Variants in ACOT12 observed in about 807,000 individuals in gnomAD.
ACOT12 encodes the protein acyl-CoA thioesterase 12.
Under a neutral mutation model 67.7 loss-of-function variants are expected in ACOT12, and 51 were observed. The ratio of observed to expected loss-of-function variants is 0.75; its 90% CI spans 0.60 to 0.95. The LOEUF (loss-of-function observed/expected upper bound fraction) is 0.95. Among genes scored for constraint, ACOT12 ranks in the 40% least tolerant of loss-of-function variants. The probability of loss-of-function intolerance (pLI) is 0.00; values close to 1 mark genes in which losing one functional copy is unlikely to be tolerated. For synonymous variants in ACOT12, 251 were observed against 244.6 expected, an observed-to-expected ratio of 1.03 and a Z score of -0.24; for missense variants, 734 against 708.1, an observed-to-expected ratio of 1.04 and a Z score of -0.41.
intron 1 of ACOT12, among the ~76,000 whole-genome samples, chr5:81,393,076 A>G (rs1760905543): frequency 6.6e-6 from 1 of 152,212 alleles, no homozygotes. Flanking sequence ...TTCAGTCCTT[A>G]ATAAATGTTT....
chr5:81,371,426 T>C (rs951984052), intron 3 of ACOT12, among the ~76,000 whole-genome samples: 1 of 152,070 alleles, frequency 6.6e-6, no homozygotes, highest in African/African-American at 2.4e-5. Context: ...TAATTTTTTT[T>C]TTTCTTCTTA....
chr5:81,336,090 T>C (rs1431064437), intron 11 of ACOT12, among the ~76,000 whole-genome samples, 189 bp from the exon 12 acceptor site: 1 of 152,190 alleles, frequency 6.6e-6, no homozygotes, highest in African/African-American at 2.4e-5. Context: ...CAGGATGCTG[T>C]AGTCTCGTGT....
chr5:81,324,904 A>G, the ACOT12 span, among the ~76,000 whole-genome samples: 6 of 152,170 alleles, frequency 3.9e-5, no homozygotes, highest in Non-Finnish European at 5.9e-5. Flanking sequence ...AGTTAGGTAA[A>G]TAAAATAAAG....
the ACOT12 span, chr5:81,311,094 A>G: frequency 1.0e-6 from 1 of 989,050 alleles, no homozygotes; most frequent in Non-Finnish European, 1.6e-6. Flanking sequence ...ATCCTGGTCT[A>G]GCTACCTTTA....
At chr5:81,341,339 A>G (rs1759185996) in intron 11 of ACOT12, among the ~76,000 whole-genome samples, 1 of 152,252 alleles carries the variant, frequency 6.6e-6, no homozygotes, top group African/African-American at 2.4e-5. Context: ...ACCAAAAACA[A>G]AACATTCAGA....
chr5:81,334,701 A>G (rs977864404), intron 12 of ACOT12, among the ~76,000 whole-genome samples: 4 of 152,236 alleles, frequency 2.6e-5, no homozygotes, highest in African/African-American at 9.6e-5. Flanking sequence ...AACACATAGG[A>G]AGCCCATCTC....
chr5:81,371,970 A>C (rs1360552714), intron 2 of ACOT12, among the ~76,000 whole-genome samples, 160 bp from the exon 3 acceptor site: 2 of 152,210 alleles, frequency 1.3e-5, no homozygotes, highest in African/African-American at 4.8e-5. Flanking sequence ...GGAAAAAGAC[A>C]ACACTTAAAA....
rs1043368318 is a variant in ACOT12 at position 81,361,893 on chromosome 5, T to C, written c.361-1855A>G. ...AGGGTACATTATGCTTTGAACCAAC[T>C]TCATCCTAAAATAAACTCACTGTGA... is the stretch of plus-strand genomic sequence containing the variant. On this transcript the variant is annotated intron_variant, in intron 4 of 14. Coordinates refer to ENST00000307624, the MANE Select transcript of ACOT12 (RefSeq NM_130767.3). 2.0e-5 allele frequency among the ~76,000 whole-genome samples: 3 copies of C among 152,226 alleles called. 1 individual carries two copies. The South Asian group carries it at 6.2e-4, about 32-fold the overall frequency.
At chr5:81,345,646 G>C (rs1223857447) in intron 7 of ACOT12, among the ~76,000 whole-genome samples, 1 of 151,828 alleles carries the variant, frequency 6.6e-6, no homozygotes, top group African/African-American at 2.4e-5. Context: ...GGTCCTACTT[G>C]GGCCAATTGG....
intron 2 of ACOT12, among the ~76,000 whole-genome samples, chr5:81,380,721 A>T (rs1896775): frequency 0.28 from 41,896 of 152,144 alleles, 9,469 homozygotes; most frequent in African/African-American, 0.62. Flanking sequence ...GCCAGTTGAA[A>T]AATGTAGTGC....
At chr5:81,347,737 G>T in intron 6 of ACOT12, 37 bp downstream of exon 6, 1 of 1,603,436 alleles carries the variant, frequency 6.2e-7, no homozygotes, top group South Asian at 1.1e-5. Flanking sequence ...CTCCTCACTG[G>T]TCCCAAAATC....
intron 13 of ACOT12, among the ~76,000 whole-genome samples, chr5:81,331,585 A>G (rs1008769369): frequency 2.0e-5 from 3 of 152,224 alleles, no homozygotes; most frequent in African/African-American, 4.8e-5. Flanking sequence ...TCTCAACAAT[A>G]GAGAACCCTG....
chr5:81,312,132 G>T, the ACOT12 span, among the ~76,000 whole-genome samples: 1 of 152,212 alleles, frequency 6.6e-6, no homozygotes, highest in East Asian at 1.9e-4. Context: ...CTCCTGGGAG[G>T]ATTGCCACTT....
chr5:81,331,289 G>C (rs1299765618), intron 13 of ACOT12, among the ~76,000 whole-genome samples: 2 of 152,200 alleles, frequency 1.3e-5, no homozygotes, highest in Non-Finnish European at 2.9e-5. Flanking sequence ...TGTAATCCCA[G>C]CACTTTGGGA....
intron 3 of ACOT12, among the ~76,000 whole-genome samples, chr5:81,364,249 T>C (rs985880444): frequency 6.6e-6 from 1 of 150,646 alleles, no homozygotes; most frequent in African/African-American, 2.4e-5. Flanking sequence ...ATATATATGA[T>C]GTCATATATG....
Position 81,347,904 on chromosome 5 carries a change from C to CT in ACOT12, c.522dup (p.Ala175SerfsTer13). On this transcript the variant is annotated frameshift_variant, in exon 6 of 15. Transcript: ENST00000307624. LOFTEE classifies it high-confidence loss of function. ...ACGGAGGTGCCCCTTGTGGAAACCGCTCCTTCCTCTTCATCAAAAATGAGA... is the reference window on the plus strand; with the variant it reads ...ACGGAGGTGCCCCTTGTGGAAACCGCTTCCTTCCTCTTCATCAAAAATGAGA... 6.2e-7 allele frequency: 1 copy of CT among 1,613,740 alleles called. No individual in the cohort carries two copies. The highest frequency in any genetic ancestry group is 1.7e-4 in the Middle Eastern group (1 of 6,046).
At chr5:81,364,942 C>T (rs948055532) in intron 3 of ACOT12, among the ~76,000 whole-genome samples, 31 of 152,096 alleles carry the variant, frequency 2.0e-4, no homozygotes, top group African/African-American at 5.8e-4. Context: ...CAAGCTAACA[C>T]GGACAGAATT....
At chr5:81,365,590 CAT>C (rs1216618808) in intron 3 of ACOT12, among the ~76,000 whole-genome samples, 17 of 152,328 alleles carry the variant, frequency 1.1e-4, no homozygotes, top group African/African-American at 4.1e-4. Flanking sequence ...GTTTCAAAAA[CAT>C]ATGCCAGGGA....
intron 11 of ACOT12, among the ~76,000 whole-genome samples, chr5:81,341,579 T>C (rs1447967057): frequency 2.6e-5 from 4 of 152,200 alleles, no homozygotes; most frequent in Non-Finnish European, 5.9e-5. Flanking sequence ...CAGTGCATAC[T>C]GAAATATGAA....
Sources: gnomAD v4.1 joint callset for allele counts (sites outside exome capture counted in the v4.1 genomes callset) on GRCh38, gnomAD v4.1.1 for gene constraint, MANE v1.5 for transcripts, NCBI Gene and HGNC (gene_info 2026-07-23, HGNC 2026-07-21) for gene names.